Variants in PRKN observed in about 807,000 individuals in gnomAD.
PRKN encodes the protein parkin RBR E3 ubiquitin protein ligase, also known as E3 ubiquitin-protein ligase parkin.
Under a neutral mutation model 59.5 loss-of-function variants are expected in PRKN, and 56 were observed. The ratio of observed to expected loss-of-function variants is 0.94; its 90% CI spans 0.76 to 1.18. PRKN has a LOEUF of 1.18. Among genes scored for constraint, PRKN ranks in the 50% most tolerant of loss-of-function variants. The pLI is 0.00. For missense variants in PRKN, 657 were observed against 596.4 expected, an observed-to-expected ratio of 1.10 and a Z score of -1.06; for synonymous variants, 250 against 222.1, an observed-to-expected ratio of 1.13 and a Z score of -1.12.
intron 7 of PRKN, among the ~76,000 whole-genome samples, chr6:161,677,679 G>A (rs1247900176): frequency 6.6e-6 from 1 of 152,210 alleles, no homozygotes; most frequent in African/African-American, 2.4e-5. Flanking sequence ...CAGTGTTTAT[G>A]ATCCTGAGGT....
At chr6:162,588,522 C>T (rs906163372) in intron 1 of PRKN, among the ~76,000 whole-genome samples, 1 of 152,038 alleles carries the variant, frequency 6.6e-6, no homozygotes. Context: ...GTGCTTTGTG[C>T]GGTCCTGCTT....
At chr6:161,846,376 A>T (rs1466441868) in intron 6 of PRKN, among the ~76,000 whole-genome samples, 1 of 152,166 alleles carries the variant, frequency 6.6e-6, no homozygotes, top group East Asian at 1.9e-4. Context: ...TACATAGATT[A>T]TCTTAGAATT....
chr6:162,678,950 A>G (rs1488356597), intron 1 of PRKN, among the ~76,000 whole-genome samples: 2 of 150,996 alleles, frequency 1.3e-5, no homozygotes, highest in Non-Finnish European at 2.9e-5. Context: ...AAATTTTTGT[A>G]TTTTTAGTAG....
At chr6:162,367,028 C>T (rs879681344) in intron 2 of PRKN, among the ~76,000 whole-genome samples, 1 of 152,080 alleles carries the variant, frequency 6.6e-6, no homozygotes, top group Admixed American at 6.6e-5. Context: ...ATTGTAGTTC[C>T]CATAATCCCC....
Position 161,569,403 on chromosome 6 carries a change from G to T in PRKN, c.885C>A (p.Asn295Lys), listed in dbSNP as rs779386773. The change falls in exon 8 of 12, where the codon AAC (asparagine) becomes AAA (lysine). Residue 295 changes from asparagine (N) to lysine (K), a missense_variant. Physicochemically the swap from Asn to Lys is moderately conservative, Grantham distance 94. Coordinates refer to ENST00000366898, the MANE Select transcript of PRKN (RefSeq NM_004562.3). ...AGTGATGGAGCTCTTTAATCAAGGA[G>T]TTGGGACAGCCAGCTGTTGGAAAGA... Reference protein sequence around the residue: ...YSLPCVAGCPNSLIKELHHFR... With the variant: ...YSLPCVAGCPKSLIKELHHFR... 1 of 1,613,720 alleles carries T rather than the reference G, an allele frequency of 6.2e-7. No individual in the cohort carries two copies. The highest frequency in any genetic ancestry group is 8.5e-7 in the Non-Finnish European group (1 of 1,179,710).
chr6:161,355,558 C>T lies in PRKN; in HGVS notation c.1285+4530G>A, dbSNP rs1442563800. ...CTGGGATCACAGGTGCCTGCCACCA[C>T]ACCTAGCTATTTTTTTTTTGTATTT... On this transcript the variant is annotated intron_variant, in intron 11 of 11. Coordinates refer to ENST00000366898, the MANE Select transcript of PRKN (RefSeq NM_004562.3). This position sits in a 1 kb window ranked among gnomAD's most constrained non-coding sequence, Gnocchi z 6.8. 6.6e-6 allele frequency among the ~76,000 whole-genome samples: 1 copy of T among 150,540 alleles called. No homozygotes were observed. The highest frequency in any genetic ancestry group is 2.4e-5 in the African/African-American group (1 of 40,998).
At chr6:161,375,139 A>G (rs1785640493) in intron 10 of PRKN, among the ~76,000 whole-genome samples, 1 of 151,912 alleles carries the variant, frequency 6.6e-6, no homozygotes, top group South Asian at 2.1e-4. Flanking sequence ...CCCGCAGGCC[A>G]TGCCCCTCAA....
intron 6 of PRKN, among the ~76,000 whole-genome samples, chr6:161,874,380 A>G (rs1460633562): frequency 2.2e-5 from 2 of 91,568 alleles, no homozygotes; most frequent in Non-Finnish European, 3.8e-5. Context: ...TATTATATAT[A>G]AAATATATAT....
At chr6:161,941,108 G>T (rs1779549856) in intron 6 of PRKN, among the ~76,000 whole-genome samples, 1 of 152,164 alleles carries the variant, frequency 6.6e-6, no homozygotes, top group Non-Finnish European at 1.5e-5. Flanking sequence ...CCTGCCTAGG[G>T]CTCCACTCTT....
chr6:162,246,838 C>G (rs1038375605), intron 3 of PRKN, among the ~76,000 whole-genome samples: 1 of 152,034 alleles, frequency 6.6e-6, no homozygotes, highest in African/African-American at 2.4e-5. Flanking sequence ...TTTTAGCTGA[C>G]TAAATAGAAT....
At chr6:162,703,087 A>G (rs1051211859) in intron 1 of PRKN, among the ~76,000 whole-genome samples, 1 of 152,230 alleles carries the variant, frequency 6.6e-6, no homozygotes, top group Non-Finnish European at 1.5e-5. Context: ...TTTACATTGT[A>G]TGAGTCCACT....
intron 9 of PRKN, among the ~76,000 whole-genome samples, chr6:161,421,648 C>G (rs1039773023): frequency 6.6e-5 from 10 of 151,988 alleles, no homozygotes; most frequent in Non-Finnish European, 1.2e-4. Context: ...TGTTTCCAAC[C>G]CTGGCTGTTG....
intron 7 of PRKN, among the ~76,000 whole-genome samples, chr6:161,599,679 G>C (rs1782039146): frequency 6.6e-6 from 1 of 152,140 alleles, no homozygotes; most frequent in African/African-American, 2.4e-5. Context: ...CAATTTCTGT[G>C]CTCCCATCAG....
chr6:161,374,567 G>A (rs1562403589), intron 10 of PRKN, among the ~76,000 whole-genome samples: 19 of 8,800 alleles, frequency 2.2e-3, no homozygotes, highest in South Asian at 4.3e-3. Flanking sequence ...TGTGTGTGGT[G>A]TGTGTAATGG....
chr6:162,515,224 A>T (rs1215240635), intron 1 of PRKN, among the ~76,000 whole-genome samples: 1 of 151,998 alleles, frequency 6.6e-6, no homozygotes, highest in Non-Finnish European at 1.5e-5. Context: ...CTGGGATTAC[A>T]AGCATGCACT....
At chr6:161,897,023 C>T (rs539659441) in intron 6 of PRKN, among the ~76,000 whole-genome samples, 6 of 152,156 alleles carry the variant, frequency 3.9e-5, no homozygotes, top group East Asian at 1.9e-4. Flanking sequence ...AATCAATGAC[C>T]GATGATATAG....
chr6:162,011,485 AAT>A (rs1471929860), intron 5 of PRKN, among the ~76,000 whole-genome samples: 2 of 15,286 alleles, frequency 1.3e-4, no homozygotes, highest in Non-Finnish European at 2.2e-4. Context: ...AATATATTAT[AAT>A]ATATATAATA....
chr6:161,934,557 A>G (rs1288777459), intron 6 of PRKN, among the ~76,000 whole-genome samples: 4 of 151,912 alleles, frequency 2.6e-5, no homozygotes, highest in African/African-American at 9.7e-5. Context: ...CAGAGCAGAG[A>G]TTCTGTGTCT....
In PRKN at chr6:161,376,070, C is replaced by T. The variant is rs60890419; in HGVS notation, c.1167+10724G>A. On this transcript the variant is annotated intron_variant, in intron 10 of 11. Coordinates refer to ENST00000366898, the MANE Select transcript of PRKN (RefSeq NM_004562.3). This position sits in a 1 kb window ranked among gnomAD's most constrained non-coding sequence, Gnocchi z 7.3. Reference sequence around the variant, plus strand: ...GTGAAGGCAGTCAATGGCTGAGAGACGGCTCTGCGGTGAGATGCTGGGGCA... The same window carrying T: ...GTGAAGGCAGTCAATGGCTGAGAGATGGCTCTGCGGTGAGATGCTGGGGCA... 0.026 allele frequency among the ~76,000 whole-genome samples: 4,031 copies of T among 152,276 alleles called. 182 individuals carry two copies. The highest frequency in any genetic ancestry group is 0.093 in the African/African-American group (3,877 of 41,534).
Sources: gnomAD v4.1 joint callset for allele counts (sites outside exome capture counted in the v4.1 genomes callset) on GRCh38, gnomAD v4.1.1 for gene constraint, Gnocchi (gnomAD v3.1) non-coding constraint, MANE v1.5 for transcripts, NCBI Gene and HGNC (gene_info 2026-07-23, HGNC 2026-07-21) for gene names.